The following ABI1 variants were observed in gnomAD, a reference collection of about 807,000 sequenced individuals.
The protein encoded by ABI1 is Abelson interactor 1.
Under a neutral mutation model 54.6 loss-of-function variants are expected in ABI1, and 14 were observed. That is an observed-to-expected ratio of 0.26 (90% confidence interval 0.17 to 0.40). The LOEUF (loss-of-function observed/expected upper bound fraction) is 0.40, where lower values mean the gene tolerates loss of function less well. ABI1 is among the 10% of genes least tolerant of loss of function. The pLI is 1.00. For synonymous variants in ABI1, 194 were observed against 209.3 expected (o/e 0.93, Z 0.63); for missense variants, 443 against 598.3 (o/e 0.74, Z 2.71).
intron 1 of ABI1, among the ~76,000 whole-genome samples, chr10:26,826,392 T>A (rs768003200): frequency 9.9e-5 from 15 of 152,216 alleles, no homozygotes; most frequent in Non-Finnish European, 2.1e-4. Flanking sequence ...TAAACAGATA[T>A]GCTGTCATCC....
chr10:26,799,640 T>C (rs1373365289), intron 2 of ABI1, among the ~76,000 whole-genome samples: 3 of 152,220 alleles, frequency 2.0e-5, no homozygotes, highest in Non-Finnish European at 4.4e-5. Context: ...AGAGATGAAA[T>C]GTGTACAATT....
chr10:26,849,921 A>G (rs2050259600), intron 1 of ABI1, among the ~76,000 whole-genome samples: 1 of 152,240 alleles, frequency 6.6e-6, no homozygotes, highest in African/African-American at 2.4e-5. Context: ...AAAGTAATGG[A>G]GTATAAAATA....
intron 1 of ABI1, among the ~76,000 whole-genome samples, chr10:26,828,479 G>A (rs982687165): frequency 2.6e-5 from 4 of 152,210 alleles, no homozygotes; most frequent in Admixed American, 2.0e-4. Flanking sequence ...TCTGCAAAGC[G>A]CAGTAAAGCA....
intron 2 of ABI1, among the ~76,000 whole-genome samples, chr10:26,787,880 C>T (rs1410505012): frequency 6.7e-6 from 1 of 149,776 alleles, no homozygotes; most frequent in South Asian, 2.1e-4. Flanking sequence ...AAAAAAAAAG[C>T]GTGCAATCTT....
chr10:26,796,067 TGACGGAGTGA>T (rs1287541006), intron 2 of ABI1, among the ~76,000 whole-genome samples: 1 of 151,790 alleles, frequency 6.6e-6, no homozygotes, highest in Admixed American at 6.6e-5. Flanking sequence ...CCAGCCTGGG[TGACGGAGTGA>T]GACCCAGTCT....
chr10:26,818,016 G>A (rs1588969911), intron 2 of ABI1, among the ~76,000 whole-genome samples: 1 of 151,080 alleles, frequency 6.6e-6, no homozygotes, highest in Middle Eastern at 3.5e-3. Flanking sequence ...AAAAATAGCT[G>A]AGCATGGTGG....
Position 26,860,686 on chromosome 10 carries a change from G to C in ABI1, c.117+61C>G, listed in dbSNP as rs957910902. ...GGCAGTTCCCCACCCCGCCCAGTGG[G>C]CTGGTCACTCCGGCGGGTCCTCGAC... On this transcript the variant is annotated intron_variant, in intron 1 of 10. Transcript: ENST00000376140. This position sits in a 1 kb window ranked among gnomAD's most constrained non-coding sequence, Gnocchi z 4.1. 1.0e-4 allele frequency: 141 copies of C among 1,361,360 alleles called. No individual in the cohort carries two copies. Among genetic ancestry groups the C allele is most frequent in the Non-Finnish European group, 1.2e-4 (117 of 954,174 alleles). The allele number at this position is 1,361,360 out of a possible 1,614,324, so 84.3% of individuals were successfully genotyped here.
At position 26,847,843 on chromosome 10, in the gene ABI1, T is replaced by C. The variant is rs560316629; in HGVS notation, c.117+12904A>G. 9.9e-5 allele frequency among the ~76,000 whole-genome samples: 15 copies of C among 152,198 alleles called. No individual in the cohort carries two copies. The East Asian group carries it at 2.5e-3, about 25-fold the overall frequency. On this transcript the variant is annotated intron_variant, in intron 1 of 10. Transcript: ENST00000376140. ...AGTGTACCCTCTGTTTTTTGTCCTT[T>C]TCTCCCACTTCAGTTGGGTTATTCT... is the stretch of plus-strand genomic sequence containing the variant.
intron 2 of ABI1, among the ~76,000 whole-genome samples, chr10:26,796,657 G>A (rs1198020086): frequency 1.3e-5 from 2 of 152,132 alleles, no homozygotes; most frequent in Non-Finnish European, 2.9e-5. Context: ...TAGATTTTAG[G>A]TGCTCATCAC....
intron 10 of ABI1, among the ~76,000 whole-genome samples, chr10:26,749,209 T>C (rs1837308869): frequency 6.6e-6 from 1 of 152,092 alleles, no homozygotes. Context: ...CCCATGCTAA[T>C]TTAAGGGACT....
intron 3 of ABI1, 155 bp downstream of exon 3, chr10:26,776,910 C>T: frequency 1.5e-6 from 1 of 667,740 alleles, no homozygotes; most frequent in Non-Finnish European, 2.3e-6. Context: ...AAATTGCACC[C>T]CAACCTTAGT....
At chr10:26,794,339 G>T (rs759724148) in intron 2 of ABI1, among the ~76,000 whole-genome samples, 2 of 152,072 alleles carry the variant, frequency 1.3e-5, no homozygotes, top group Non-Finnish European at 2.9e-5. Flanking sequence ...GCTTAAGGAG[G>T]TTGAAGCTGC....
intron 2 of ABI1, among the ~76,000 whole-genome samples, chr10:26,797,803 T>A (rs544930007): frequency 6.6e-6 from 1 of 152,276 alleles, no homozygotes; most frequent in South Asian, 2.1e-4. Context: ...TTAACTGACT[T>A]TTCAAAGATG....
chr10:26,813,029 A>C (rs2047336126), intron 2 of ABI1, among the ~76,000 whole-genome samples: 2 of 152,136 alleles, frequency 1.3e-5, no homozygotes, highest in Admixed American at 1.3e-4. Context: ...CAGGTGGATC[A>C]CTTGAGGTCA....
intron 1 of ABI1, among the ~76,000 whole-genome samples, chr10:26,846,035 T>C (rs1446525124): frequency 6.6e-6 from 1 of 151,318 alleles, no homozygotes; most frequent in Non-Finnish European, 1.5e-5. Context: ...TCCCAGCTAC[T>C]GAGGCTGAGG....
At chr10:26,806,753 A>G (rs1436513324) in intron 2 of ABI1, among the ~76,000 whole-genome samples, 2 of 152,230 alleles carry the variant, frequency 1.3e-5, no homozygotes, top group African/African-American at 2.4e-5. Context: ...GGGAAGCAGC[A>G]CACCAAGAAG....
intron 2 of ABI1, among the ~76,000 whole-genome samples, chr10:26,794,351 G>A (rs1404713147): frequency 1.3e-5 from 2 of 152,098 alleles, no homozygotes; most frequent in Non-Finnish European, 2.9e-5. Context: ...TGAAGCTGCA[G>A]TAAACAGTGA....
At chr10:26,765,892 C>T (rs1171540095) in intron 6 of ABI1, among the ~76,000 whole-genome samples, 1 of 152,116 alleles carries the variant, frequency 6.6e-6, no homozygotes, top group African/African-American at 2.4e-5. Context: ...AAATATTTAT[C>T]ACCAACAAAA....
intron 2 of ABI1, among the ~76,000 whole-genome samples, chr10:26,796,770 T>G (rs983459937): frequency 1.3e-5 from 2 of 152,220 alleles, no homozygotes; most frequent in Non-Finnish European, 2.9e-5. Flanking sequence ...GTCCCCTTTT[T>G]GGCACCAGGG....
Sources: gnomAD v4.1 joint callset for allele counts (sites outside exome capture counted in the v4.1 genomes callset) on GRCh38, gnomAD v4.1.1 for gene constraint, Gnocchi (gnomAD v3.1) non-coding constraint, MANE v1.5 for transcripts, NCBI Gene and HGNC (gene_info 2026-07-23, HGNC 2026-07-21) for gene names.